Variants in SLC4A10 observed in about 807,000 individuals in gnomAD.
SLC4A10 encodes the protein solute carrier family 4 member 10.
A neutral mutation model predicts 137.7 loss-of-function variants in SLC4A10; 42 were observed. That is an observed-to-expected ratio of 0.30 (90% CI 0.24 to 0.39). The LOEUF (loss-of-function observed/expected upper bound fraction) is 0.39. Among genes scored for constraint, SLC4A10 ranks in the 10% least tolerant of loss-of-function variants. The probability of loss-of-function intolerance (pLI) is 1.00; values close to 1 mark genes in which losing one functional copy is unlikely to be tolerated. For missense variants in SLC4A10, 925 were observed against 1,355.0 expected (o/e 0.68, Z 4.98); for synonymous variants, 474 against 464.1 (o/e 1.02, Z -0.27).
Position 161,908,768 on chromosome 2 carries a change from T to G in SLC4A10, c.1997+2881T>G, listed in dbSNP as rs2105374161. Among the ~76,000 whole-genome samples the G allele has an allele frequency of 1.3e-5, 2 of 151,410 alleles. 1 individual carries two copies. Among genetic ancestry groups the G allele is most frequent in the African/African-American group, 4.9e-5 (2 of 41,056 alleles). Reference sequence around the variant, plus strand: ...CCTTTTGAGGAGGGCAATGAAATCGTAAGATTGATAATTTGTGACAGAGAA... The same window carrying G: ...CCTTTTGAGGAGGGCAATGAAATCGGAAGATTGATAATTTGTGACAGAGAA... On this transcript the variant is annotated intron_variant, in intron 15 of 26. Transcript: ENST00000446997.
chr2:161,917,320 A>C (rs1425970998), intron 15 of SLC4A10, among the ~76,000 whole-genome samples: 1 of 152,192 alleles, frequency 6.6e-6, no homozygotes, highest in East Asian at 1.9e-4. Flanking sequence ...CTTCACATGC[A>C]GGTCTTTATT....
At chr2:161,636,345 CT>C (rs1476711633) in intron 1 of SLC4A10, among the ~76,000 whole-genome samples, 4 of 152,052 alleles carry the variant, frequency 2.6e-5, no homozygotes, top group African/African-American at 9.6e-5. Flanking sequence ...CTGAATAGTA[CT>C]CTATTGAGTG....
At chr2:161,828,615 C>T (rs1392492975) in intron 3 of SLC4A10, among the ~76,000 whole-genome samples, 1 of 145,994 alleles carries the variant, frequency 6.8e-6, no homozygotes, top group African/African-American at 2.5e-5. Flanking sequence ...CTTTCTGGTT[C>T]CCTAGTATTG....
intron 19 of SLC4A10, among the ~76,000 whole-genome samples, chr2:161,953,983 A>G (rs1575822034): frequency 1.3e-5 from 2 of 152,188 alleles, no homozygotes; most frequent in East Asian, 3.8e-4. Flanking sequence ...GAAAAGAGAG[A>G]TAAAATCTTA....
intron 3 of SLC4A10, among the ~76,000 whole-genome samples, chr2:161,829,079 G>C (rs895695626): frequency 6.6e-6 from 1 of 151,386 alleles, no homozygotes; most frequent in Non-Finnish European, 1.5e-5. Flanking sequence ...CTTAATGCTG[G>C]TGTGGCCTGA....
intron 21 of SLC4A10, among the ~76,000 whole-genome samples, chr2:161,958,838 T>C (rs1696119528): frequency 6.6e-6 from 1 of 152,194 alleles, no homozygotes; most frequent in African/African-American, 2.4e-5. Flanking sequence ...TATTTCAATA[T>C]ATATCCAAAT....
chr2:161,877,903 A>G (rs1281356806), intron 8 of SLC4A10, among the ~76,000 whole-genome samples: 1 of 152,052 alleles, frequency 6.6e-6, no homozygotes, highest in Non-Finnish European at 1.5e-5. Flanking sequence ...GAAAGAACAT[A>G]TGCTTCCTAT....
chr2:161,952,619 A>T (rs1216936773), intron 19 of SLC4A10, among the ~76,000 whole-genome samples: 2 of 152,216 alleles, frequency 1.3e-5, no homozygotes. Context: ...TGGCTTAATC[A>T]TAAACTCTGC....
intron 3 of SLC4A10, among the ~76,000 whole-genome samples, chr2:161,830,873 G>A (rs1401324742): frequency 2.0e-5 from 3 of 152,186 alleles, no homozygotes; most frequent in African/African-American, 7.2e-5. Flanking sequence ...TAGATCAAGA[G>A]ATGTAGGGTG....
chr2:161,814,661 C>A (rs529028017), intron 3 of SLC4A10, among the ~76,000 whole-genome samples: 1 of 152,080 alleles, frequency 6.6e-6, no homozygotes, highest in Non-Finnish European at 1.5e-5. Flanking sequence ...TGAATTAATG[C>A]AGGAACAGAA....
At chr2:161,975,246 G>T (rs4295021) in intron 24 of SLC4A10, among the ~76,000 whole-genome samples, 48,681 of 151,812 alleles carry the variant, frequency 0.32, 9,032 homozygotes, top group Admixed American at 0.42. Context: ...CCTGTTGATT[G>T]TTTAGCTGAA....
chr2:161,902,490 T>C (rs1449912924), intron 12 of SLC4A10, among the ~76,000 whole-genome samples: 2 of 152,128 alleles, frequency 1.3e-5, no homozygotes, highest in Non-Finnish European at 2.9e-5. Context: ...AAAGTGCATA[T>C]GTTTTACCAA....
At chr2:161,783,449 T>A (rs2053273366) in intron 2 of SLC4A10, among the ~76,000 whole-genome samples, 2 of 152,038 alleles carry the variant, frequency 1.3e-5, no homozygotes, top group Middle Eastern at 3.4e-3. Context: ...AAGGTAAATA[T>A]ATAGACAAAT....
In SLC4A10 at chr2:161,624,757, C is replaced by T. The variant is rs528343172; in HGVS notation, c.48+191C>T. On this transcript the variant is annotated intron_variant, in intron 1 of 26. Coordinates refer to ENST00000446997, the MANE Select transcript of SLC4A10 (RefSeq NM_001178015.2). ...AGCAAAGCACACGATTCTCCTCCCC[C>T]CCCCTTCTCAATATGGATGCACTAC... Among the ~76,000 whole-genome samples the T allele has an allele frequency of 3.9e-5, 6 of 152,078 alleles. No individual in the cohort carries two copies. The South Asian group carries it at 6.2e-4, about 16-fold the overall frequency.
chr2:161,814,582 A>C (rs1263440919), intron 3 of SLC4A10, among the ~76,000 whole-genome samples: 3 of 152,214 alleles, frequency 2.0e-5, no homozygotes, highest in African/African-American at 4.8e-5. Context: ...CATACATTGC[A>C]GCCCTAAAAA....
intron 1 of SLC4A10, among the ~76,000 whole-genome samples, chr2:161,767,170 TTATA>T (rs199939719): frequency 2.6e-4 from 10 of 39,194 alleles, no homozygotes; most frequent in East Asian, 2.1e-3. Context: ...TGTGTTTTAT[TTATA>T]TATATGTGTG....
intron 1 of SLC4A10, among the ~76,000 whole-genome samples, chr2:161,754,616 G>A (rs1288718225): frequency 6.6e-6 from 1 of 152,060 alleles, no homozygotes; most frequent in African/African-American, 2.4e-5. Flanking sequence ...GAGTCACAAG[G>A]ATGTAACATT....
chr2:161,678,012 T>C lies in SLC4A10; in HGVS notation c.48+53446T>C, dbSNP rs563681503. 1.1e-3 allele frequency among the ~76,000 whole-genome samples: 170 copies of C among 152,328 alleles called. 2 individuals are homozygous for C. The South Asian group carries it at 0.02, about 18-fold the overall frequency. On this transcript the variant is annotated intron_variant, in intron 1 of 26. Coordinates refer to ENST00000446997, the MANE Select transcript of SLC4A10 (RefSeq NM_001178015.2). ...GTCTGTCAACTTCCAAAGGCTTAGA[T>C]AAGAGGCCTTTTTTGCCCATTATTT...
chr2:161,834,247 C>T (rs1170752077), intron 3 of SLC4A10, among the ~76,000 whole-genome samples: 1 of 152,128 alleles, frequency 6.6e-6, no homozygotes, highest in Non-Finnish European at 1.5e-5. Flanking sequence ...ACACAGCTTG[C>T]CAAGACCCCC....
Sources: allele counts gnomAD v4.1 joint callset (sites outside exome capture counted in the v4.1 genomes callset), GRCh38; gene constraint gnomAD v4.1.1; transcripts MANE v1.5; gene names NCBI Gene and HGNC (gene_info 2026-07-23, HGNC 2026-07-21).